Variants in BBOF1 observed in about 807,000 individuals in gnomAD.
The protein encoded by BBOF1 is basal body-orientation factor 1.
In BBOF1, 62 loss-of-function variants were observed where a neutral mutation model predicts 68.0. The ratio of observed to expected loss-of-function variants is 0.91; its 90% CI spans 0.74 to 1.13. The LOEUF is 1.13. Among genes scored for constraint, BBOF1 ranks in the 50% most tolerant of loss-of-function variants. The pLI, the probability that BBOF1 is intolerant of heterozygous loss-of-function variation, is 0.00. For synonymous variants in BBOF1, 208 were observed against 198.8 expected (o/e 1.05, Z -0.39); for missense variants, 534 against 600.1 (o/e 0.89, Z 1.15).
chr14:74,067,330 T>C, downstream of BBOF1: 1 of 1,606,776 alleles, frequency 6.2e-7, no homozygotes, highest in Non-Finnish European at 8.5e-7. Context: ...ACCCAAGAGC[T>C]TAATGCCACA....
At chr14:74,067,233 G>C (rs2060481234), downstream of BBOF1, 21 of 991,526 alleles carry the variant, frequency 2.1e-5, no homozygotes, top group South Asian at 2.7e-4. Context: ...CTGCTAACAA[G>C]ATGACTCCAA....
intron 1 of BBOF1, 84 bp from the exon 2 acceptor site, chr14:74,022,832 T>G: frequency 1.8e-6 from 1 of 540,854 alleles, no homozygotes; most frequent in South Asian, 8.0e-5. Flanking sequence ...AAAAATTTAA[T>G]AGTAATATAA....
At chr14:74,046,465 C>T (rs1272334989) in intron 6 of BBOF1, among the ~76,000 whole-genome samples, 4 of 152,056 alleles carry the variant, frequency 2.6e-5, no homozygotes, top group South Asian at 2.1e-4. Flanking sequence ...CTCTGCCTCC[C>T]GAGTTCAGGC....
chr14:74,040,730 A>G lies in BBOF1; in HGVS notation c.576+85A>G, dbSNP rs2059810408. The G allele has an allele frequency of 7.9e-6, 6 of 758,934 alleles. No individual in the cohort carries two copies. The Admixed American group carries it at 1.3e-4, about 16-fold the overall frequency. 47.0% of individuals were successfully genotyped at this position (758,934 alleles called of 1,614,324 possible). On this transcript the variant is annotated intron_variant, in intron 5 of 11. Transcript: ENST00000394009. ...ATGCATTCTGAAACATCAGCCTTCC[A>G]TTTGGTATCTTAATAGAAGATTAGA...
At chr14:74,044,657 G>A (rs534502663) in intron 5 of BBOF1, among the ~76,000 whole-genome samples, 6 of 152,120 alleles carry the variant, frequency 3.9e-5, no homozygotes, top group African/African-American at 1.4e-4. Context: ...CAGGCGCGGT[G>A]GTTCATGCCT....
chr14:74,056,884 T>G lies in BBOF1; in HGVS notation c.1389-22T>G, dbSNP rs781057840. On this transcript the variant is annotated intron_variant, in intron 9 of 11. Coordinates refer to ENST00000394009, the MANE Select transcript of BBOF1 (RefSeq NM_025057.3). ...GAGACACTGCCTCATTCATTATCTT[T>G]GTTGACTTTTACCCACTACAGGAAA... The G allele has an allele frequency of 1.9e-6, 3 of 1,558,194 alleles. No individual in the cohort carries two copies. The South Asian group carries it at 3.4e-5, about 17-fold the overall frequency.
At chr14:74,040,898 T>TG in intron 5 of BBOF1, 1 of 477,446 alleles carries the variant, frequency 2.1e-6, no homozygotes, top group Non-Finnish European at 3.6e-6. Flanking sequence ...CTCAGCTTGA[T>TG]ACTCCCCTGG....
chr14:74,040,527 TA>T (rs1343920162), intron 4 of BBOF1, 37 bp from the exon 5 acceptor site: 2 of 1,331,224 alleles, frequency 1.5e-6, no homozygotes, highest in Non-Finnish European at 2.1e-6. Context: ...CCCCATTTTC[TA>T]TTGATCATTT....
At chr14:74,019,575 G>A (rs1422750863) in intron 1 of BBOF1, 41 bp downstream of exon 1, 1 of 1,559,296 alleles carries the variant, frequency 6.4e-7, no homozygotes, top group South Asian at 1.2e-5. Flanking sequence ...CCCTGGGCCT[G>A]CCTGGGATTT....
At chr14:74,025,231 T>C (rs2059397548) in intron 2 of BBOF1, among the ~76,000 whole-genome samples, 1 of 152,222 alleles carries the variant, frequency 6.6e-6, no homozygotes, top group Admixed American at 6.6e-5. Context: ...TTGTTATTGG[T>C]CTACATCAGT....
intron 2 of BBOF1, among the ~76,000 whole-genome samples, chr14:74,027,581 C>A (rs892862958): frequency 6.6e-6 from 1 of 151,872 alleles, no homozygotes; most frequent in Non-Finnish European, 1.5e-5. Flanking sequence ...GATTGTACCA[C>A]AAATTACTTA....
In BBOF1 at chr14:74,056,944, A is replaced by G. The variant is rs2060225105; in HGVS notation, c.1427A>G (p.Tyr476Cys). The G allele has an allele frequency of 1.2e-6, 2 of 1,613,918 alleles. No individual in the cohort carries two copies. The highest frequency in any genetic ancestry group is 8.5e-7 in the Non-Finnish European group (1 of 1,179,900). ...AGTTCTAGGCCTCCAGTTCCAGACT[A>G]TGTTGTTTCTGACAGTGGGGAAACA... is the stretch of plus-strand genomic sequence containing the variant. ...NQSSRPPVPD[Y>C]VVSDSGETKE... is the part of the protein sequence containing the mutation. Residue 476 changes from tyrosine (Y) to cysteine (C), a missense_variant, in exon 10 of 12, where the codon TAT becomes TGT. Coordinates refer to ENST00000394009, the MANE Select transcript of BBOF1 (RefSeq NM_025057.3).
At chr14:74,064,022 G>A (rs537024489) in intron 11 of BBOF1, among the ~76,000 whole-genome samples, 4 of 151,926 alleles carry the variant, frequency 2.6e-5, no homozygotes, top group South Asian at 4.2e-4. Flanking sequence ...GCTACAGACC[G>A]GGCAGAGTGG....
chr14:74,072,117 G>T, intron 9 of BBOF1: 5 of 1,597,558 alleles, frequency 3.1e-6, no homozygotes, highest in Non-Finnish European at 4.3e-6. Context: ...TGCAGAGTAA[G>T]GGAGGGTGGC....
At chr14:74,034,606 T>C (rs1224864572) in intron 4 of BBOF1, among the ~76,000 whole-genome samples, 1 of 152,214 alleles carries the variant, frequency 6.6e-6, no homozygotes, top group Non-Finnish European at 1.5e-5. Context: ...TCAGAAAATT[T>C]ATGTTACCTT....
chr14:74,075,656 C>CAA (rs71115952), intron 9 of BBOF1, among the ~76,000 whole-genome samples: 1 of 133,012 alleles, frequency 7.5e-6, no homozygotes, highest in Admixed American at 7.6e-5. Flanking sequence ...GACCTTGTCT[C>CAA]AAAAAAAAAA....
intron 6 of BBOF1, 88 bp downstream of exon 6, chr14:74,046,218 C>T (rs567838029): frequency 8.1e-7 from 1 of 1,228,152 alleles, no homozygotes; most frequent in Non-Finnish European, 1.1e-6. Flanking sequence ...TGTCTTCCCC[C>T]TTCTGTTCTG....
At chr14:74,027,571 G>C (rs2059463708) in intron 2 of BBOF1, among the ~76,000 whole-genome samples, 1 of 151,894 alleles carries the variant, frequency 6.6e-6, no homozygotes, top group African/African-American at 2.4e-5. Context: ...AGTCTCAAAA[G>C]ATTGTACCAC....
rs753139139 is a variant in BBOF1, at chr14:74,048,019, T to A, written c.737T>A (p.Leu246Gln). 1 of 1,613,388 alleles carries A rather than the reference T, an allele frequency of 6.2e-7. No homozygotes were observed. The highest frequency in any genetic ancestry group is 1.1e-5 in the South Asian group (1 of 90,840). The change falls in exon 7 of 12, where the codon CTA (leucine) becomes CAA (glutamine). Residue 246 changes from leucine to glutamine, a missense_variant. By Grantham distance (113) the Leu-to-Gln change is moderately radical (BLOSUM62 -2). Coordinates refer to ENST00000394009, the MANE Select transcript of BBOF1 (RefSeq NM_025057.3). Reference protein sequence around the residue: ...LAYHLKETDALQKNSQKLQES... With the variant: ...LAYHLKETDAQQKNSQKLQES... ...TATCACCTGAAGGAAACTGACGCTCTACAAAAAAACTCCCAGAAGTTGCAA... is the reference window on the plus strand; with the variant it reads ...TATCACCTGAAGGAAACTGACGCTCAACAAAAAAACTCCCAGAAGTTGCAA...
Sources: gnomAD v4.1 joint callset for allele counts (sites outside exome capture counted in the v4.1 genomes callset) on GRCh38, gnomAD v4.1.1 for gene constraint, MANE v1.5 for transcripts, NCBI Gene and HGNC (gene_info 2026-07-23, HGNC 2026-07-21) for gene names.